HDAC4: variants seen among roughly 807,000 people sequenced by gnomAD.
The protein encoded by HDAC4 is histone deacetylase 4, also known as histone deacetylase A.
Under a neutral mutation model 135.1 loss-of-function variants are expected in HDAC4, and 16 were observed. The ratio of observed to expected loss-of-function variants is 0.12; its 90% CI spans 0.08 to 0.18. HDAC4 has a LOEUF of 0.18. Among genes scored for constraint, HDAC4 ranks in the 10% least tolerant of loss-of-function variants. The probability of loss-of-function intolerance (pLI) is 1.00; values close to 1 mark genes in which losing one functional copy is unlikely to be tolerated. For synonymous variants in HDAC4, 685 were observed against 653.4 expected (o/e 1.05, Z -0.74); for missense variants, 1,143 against 1,511.8 (o/e 0.76, Z 4.05).
intron 12 of HDAC4, among the ~76,000 whole-genome samples, chr2:239,120,930 G>C (rs1447552591): frequency 2.0e-5 from 3 of 152,052 alleles, no homozygotes. Context: ...TTTTAAAGGA[G>C]ACGGCCCAGG....
chr2:239,173,696 G>A (rs1177059470), intron 5 of HDAC4, among the ~76,000 whole-genome samples: 1 of 152,132 alleles, frequency 6.6e-6, no homozygotes, highest in Non-Finnish European at 1.5e-5. Flanking sequence ...GACATAAAAG[G>A]TATTCCAATC....
intron 3 of HDAC4, among the ~76,000 whole-genome samples, chr2:239,200,632 CAAG>C (rs971087793): frequency 6.6e-6 from 1 of 152,062 alleles, no homozygotes; most frequent in Non-Finnish European, 1.5e-5. Context: ...TATTATGGTG[CAAG>C]AAGAAGGTGC....
At chr2:239,148,733 C>T (rs552921252) in intron 7 of HDAC4, among the ~76,000 whole-genome samples, 15 of 152,310 alleles carry the variant, frequency 9.8e-5, no homozygotes, top group Admixed American at 4.6e-4. Flanking sequence ...ATGGCGAGGC[C>T]GCAGAAAGGA....
At position 239,306,742 on chromosome 2, in the gene HDAC4, G is replaced by A. The variant is rs1278114373; in HGVS notation, c.22+45936C>T. ...ACAGGGTTTTACATGGTGAAAAGGGGTAGGGGGTGAATGCTAAGGGGCGAA... is the reference window on the plus strand; with the variant it reads ...ACAGGGTTTTACATGGTGAAAAGGGATAGGGGGTGAATGCTAAGGGGCGAA... On this transcript the variant is annotated intron_variant, in intron 2 of 26. Coordinates refer to ENST00000543185, the MANE Select transcript of HDAC4 (RefSeq NM_001378414.1). The surrounding 1 kb of genome is among the most constrained non-coding windows in gnomAD (Gnocchi z 4.5). Among the ~76,000 whole-genome samples, 3 of 151,994 alleles carry A rather than the reference G, an allele frequency of 2.0e-5. No homozygotes were observed. The highest frequency in any genetic ancestry group is 2.0e-4 in the Admixed American group (3 of 15,266).
rs1371833260 is a variant in HDAC4, at chr2:239,322,204, G to A, written c.22+30474C>T. 2.6e-5 allele frequency among the ~76,000 whole-genome samples: 4 copies of A among 152,328 alleles called. No homozygotes were observed. The East Asian group carries it at 7.7e-4, about 29-fold the overall frequency. The stretch of plus-strand genomic sequence containing the variant: ...CAACCAATCAGGGGCTGAAGTGAAA[G>A]CTCAGCCTGCAACCAATCGGATGCT... On this transcript the variant is annotated intron_variant, in intron 2 of 26. Coordinates refer to ENST00000543185, the MANE Select transcript of HDAC4 (RefSeq NM_001378414.1).
intron 2 of HDAC4, among the ~76,000 whole-genome samples, chr2:239,321,911 G>A (rs191149355): frequency 6.6e-6 from 1 of 152,138 alleles, no homozygotes; most frequent in Non-Finnish European, 1.5e-5. Context: ...TTGACATGTT[G>A]AACAAAGAAT....
intron 2 of HDAC4, among the ~76,000 whole-genome samples, chr2:239,255,475 T>C (rs1006388195): frequency 4.6e-5 from 7 of 152,222 alleles, no homozygotes; most frequent in African/African-American, 1.7e-4. Flanking sequence ...GGGCTCTACT[T>C]CTCTTTGAGA....
chr2:239,271,701 G>T (rs2050069419), intron 2 of HDAC4, among the ~76,000 whole-genome samples: 1 of 152,184 alleles, frequency 6.6e-6, no homozygotes, highest in Non-Finnish European at 1.5e-5. Context: ...TCCAGTTCTG[G>T]ACCCCGAAGA....
At chr2:239,385,636 C>T (rs1392436793) in intron 1 of HDAC4, among the ~76,000 whole-genome samples, 2 of 152,250 alleles carry the variant, frequency 1.3e-5, no homozygotes, top group African/African-American at 4.8e-5. Flanking sequence ...TGATAAGGAA[C>T]ACGCACACGC....
At chr2:239,343,764 C>G (rs1692445984) in intron 2 of HDAC4, among the ~76,000 whole-genome samples, 1 of 152,254 alleles carries the variant, frequency 6.6e-6, no homozygotes. Flanking sequence ...GCCCAGTGTT[C>G]TGCCGCAGAG....
At chr2:239,074,558 G>A (rs541400303) in intron 22 of HDAC4, among the ~76,000 whole-genome samples, 3 of 152,364 alleles carry the variant, frequency 2.0e-5, no homozygotes, top group Non-Finnish European at 2.9e-5. Flanking sequence ...TCGGCCACAC[G>A]TGAGGCTGCG....
chr2:239,400,266 A>T lies in HDAC4; in HGVS notation c.-220+712T>A, dbSNP rs1447843501. 6.6e-6 allele frequency: 1 copy of T among 150,564 alleles called. No homozygotes were observed. The highest frequency in any genetic ancestry group is 2.0e-4 in the East Asian group (1 of 5,058). The allele number at this position is 150,564 out of a possible 1,614,324, so 9.3% of individuals were successfully genotyped here. On this transcript the variant is annotated intron_variant, in intron 1 of 26. Transcript: ENST00000543185. The surrounding 1 kb of genome is among the most constrained non-coding windows in gnomAD (Gnocchi z 4.7). Reference sequence around the variant, plus strand: ...AAGCGCGGGGCCGCGGACCCCCGGCAGGGACGTTTTTCTGCAAACTCACAG... The same window carrying T: ...AAGCGCGGGGCCGCGGACCCCCGGCTGGGACGTTTTTCTGCAAACTCACAG...
chr2:239,377,819 G>A (rs1225605249), intron 1 of HDAC4, among the ~76,000 whole-genome samples: 1 of 152,110 alleles, frequency 6.6e-6, no homozygotes, highest in African/African-American at 2.4e-5. Flanking sequence ...AGGCAGACAA[G>A]CCCAGGCCCA....
intron 2 of HDAC4, among the ~76,000 whole-genome samples, chr2:239,311,748 C>T (rs2125709158): frequency 6.6e-6 from 1 of 152,326 alleles, no homozygotes; most frequent in East Asian, 1.9e-4. Flanking sequence ...ACGAAGCTCC[C>T]GTGCTTTTTA....
At chr2:239,294,189 T>A (rs894343158) in intron 2 of HDAC4, among the ~76,000 whole-genome samples, 1 of 152,158 alleles carries the variant, frequency 6.6e-6, no homozygotes, top group African/African-American at 2.4e-5. Context: ...AAGTGCCCCA[T>A]GATCCACCTC....
chr2:239,137,825 C>A (rs1249075617), intron 9 of HDAC4, among the ~76,000 whole-genome samples: 1 of 152,198 alleles, frequency 6.6e-6, no homozygotes, highest in African/African-American at 2.4e-5. Context: ...CGTGCCCACT[C>A]TAATGAACAT....
intron 2 of HDAC4, among the ~76,000 whole-genome samples, chr2:239,337,474 C>T (rs1280905389): frequency 6.6e-6 from 1 of 152,172 alleles, no homozygotes; most frequent in Non-Finnish European, 1.5e-5. Flanking sequence ...AGGAAGAAAT[C>T]AGGACTCACG....
intron 5 of HDAC4, among the ~76,000 whole-genome samples, chr2:239,170,075 T>C (rs2043357904): frequency 6.6e-6 from 1 of 152,206 alleles, no homozygotes. Context: ...AAGAGTAAAA[T>C]GCTGTGATAA....
chr2:239,264,969 G>A (rs2049628565), intron 2 of HDAC4, among the ~76,000 whole-genome samples: 1 of 152,206 alleles, frequency 6.6e-6, no homozygotes, highest in African/African-American at 2.4e-5. Flanking sequence ...GAACCCTGAA[G>A]ATGGACTCTC....
Sources: gnomAD v4.1 joint callset for allele counts (sites outside exome capture counted in the v4.1 genomes callset) on GRCh38, gnomAD v4.1.1 for gene constraint, Gnocchi (gnomAD v3.1) non-coding constraint, MANE v1.5 for transcripts, NCBI Gene and HGNC (gene_info 2026-07-23, HGNC 2026-07-21) for gene names.